The following KCNQ3 variants were observed in gnomAD, a reference collection of about 807,000 sequenced individuals.
The protein encoded by KCNQ3 is potassium voltage-gated channel subfamily KQT member 3.
KCNQ3 carries 30 observed loss-of-function variants against 92.5 expected under a neutral mutation model. The observed-to-expected ratio is 0.32, with a 90% CI of 0.24 to 0.44. The LOEUF (loss-of-function observed/expected upper bound fraction) is 0.44. Ranked by LOEUF, KCNQ3 falls within the 20% of genes least tolerant of loss-of-function variation. The pLI is 1.00. For missense variants in KCNQ3, 913 were observed against 1,140.3 expected, an observed-to-expected ratio of 0.80 and a Z score of 2.87; for synonymous variants, 450 against 468.8, an observed-to-expected ratio of 0.96 and a Z score of 0.52.
Position 132,392,058 on chromosome 8 carries a change from T to C in KCNQ3, c.386+88089A>G, listed in dbSNP as rs896672431. Among the ~76,000 whole-genome samples the C allele has an allele frequency of 7.2e-5, 11 of 152,168 alleles. No individual in the cohort carries two copies. The East Asian group carries it at 2.1e-3, about 29-fold the overall frequency. On this transcript the variant is annotated intron_variant, in intron 1 of 14. Transcript: ENST00000388996. ...TGTCATAAACCATGGTGGACTTTAA[T>C]TGCCCAGCAGTACCAAGTCTGTGCC...
intron 5 of KCNQ3, 66 bp downstream of exon 5, chr8:132,175,387 C>A (rs1826514090): frequency 1.3e-6 from 2 of 1,545,278 alleles, no homozygotes; most frequent in Admixed American, 3.3e-5. Flanking sequence ...TCATGTGATG[C>A]CCTCCACCTC....
chr8:132,392,098 G>A (rs114426216), intron 1 of KCNQ3, among the ~76,000 whole-genome samples: 1,689 of 152,196 alleles, frequency 0.011, 24 homozygotes, highest in African/African-American at 0.035. Context: ...AATGCCTACA[G>A]CATCCGGCCT....
intron 14 of KCNQ3, among the ~76,000 whole-genome samples, chr8:132,131,378 C>T (rs1824871744): frequency 6.6e-6 from 1 of 152,178 alleles, no homozygotes; most frequent in Admixed American, 6.5e-5. Flanking sequence ...GAGTGAGCTG[C>T]ATGGTGCTGT....
At chr8:132,138,510 CCT>C (rs1303242435) in intron 11 of KCNQ3, among the ~76,000 whole-genome samples, 12 of 152,144 alleles carry the variant, frequency 7.9e-5, no homozygotes, top group African/African-American at 2.9e-4. Context: ...TCCTCAAGAG[CCT>C]CTTTAATTAT....
chr8:132,209,890 G>A (rs1211896615), intron 1 of KCNQ3, among the ~76,000 whole-genome samples: 7 of 152,146 alleles, frequency 4.6e-5, no homozygotes, highest in East Asian at 1.9e-4. Flanking sequence ...ATAATTCAGT[G>A]GGCCTCTGTG....
chr8:132,429,692 C>T (rs560697211), intron 1 of KCNQ3, among the ~76,000 whole-genome samples: 1 of 152,004 alleles, frequency 6.6e-6, no homozygotes, highest in African/African-American at 2.4e-5. Context: ...GAAACCCTGT[C>T]TCTACTAAAA....
chr8:132,406,125 A>G (rs1025917594), intron 1 of KCNQ3, among the ~76,000 whole-genome samples: 10 of 152,194 alleles, frequency 6.6e-5, no homozygotes, highest in Non-Finnish European at 1.3e-4. Context: ...ATTAAACCTG[A>G]TAGAAAGAAG....
intron 1 of KCNQ3, among the ~76,000 whole-genome samples, chr8:132,358,098 T>A (rs1819065758): frequency 6.6e-6 from 1 of 152,216 alleles, no homozygotes; most frequent in South Asian, 2.1e-4. Context: ...TTCTTTAAGG[T>A]CAGGGATAAA....
intron 9 of KCNQ3, among the ~76,000 whole-genome samples, chr8:132,143,262 G>T (rs923683563): frequency 6.6e-6 from 1 of 152,004 alleles, no homozygotes; most frequent in African/African-American, 2.4e-5. Flanking sequence ...TTTCCTGGCT[G>T]CTACTAGATA....
intron 1 of KCNQ3, among the ~76,000 whole-genome samples, chr8:132,465,226 T>G (rs1385280517): frequency 1.3e-5 from 2 of 152,184 alleles, no homozygotes; most frequent in African/African-American, 2.4e-5. Flanking sequence ...AATATCTAAT[T>G]TAATCTTGTT....
At chr8:132,406,648 C>G (rs1384097293) in intron 1 of KCNQ3, among the ~76,000 whole-genome samples, 1 of 152,008 alleles carries the variant, frequency 6.6e-6, no homozygotes, top group Non-Finnish European at 1.5e-5. Context: ...ACACACACAC[C>G]AGCAATACTA....
chr8:132,278,882 C>T (rs1816422529), intron 1 of KCNQ3, among the ~76,000 whole-genome samples: 2 of 152,144 alleles, frequency 1.3e-5, no homozygotes, highest in Admixed American at 6.6e-5. Flanking sequence ...TGGTCCTTAA[C>T]CTTGACTGCA....
intron 1 of KCNQ3, among the ~76,000 whole-genome samples, chr8:132,405,798 C>G (rs1284125252): frequency 1.3e-5 from 2 of 152,164 alleles, no homozygotes; most frequent in African/African-American, 4.8e-5. Flanking sequence ...TTTCACCAGG[C>G]AGCAGGAATG....
chr8:132,341,567 T>C (rs1818529737), intron 1 of KCNQ3, among the ~76,000 whole-genome samples: 1 of 152,156 alleles, frequency 6.6e-6, no homozygotes, highest in Non-Finnish European at 1.5e-5. Flanking sequence ...ACTGAACGAA[T>C]GAATGAATCA....
At chr8:132,324,048 A>G (rs1586926835) in intron 1 of KCNQ3, among the ~76,000 whole-genome samples, 1 of 152,230 alleles carries the variant, frequency 6.6e-6, no homozygotes, top group Non-Finnish European at 1.5e-5. Flanking sequence ...TGAAGCCATC[A>G]TACTGTTTCA....
intron 1 of KCNQ3, among the ~76,000 whole-genome samples, chr8:132,449,085 C>T (rs1362139899): frequency 2.0e-5 from 3 of 152,150 alleles, no homozygotes; most frequent in African/African-American, 4.8e-5. Flanking sequence ...TCTTCAGCTA[C>T]GATGTGGGGA....
chr8:132,420,961 T>C (rs1820951019), intron 1 of KCNQ3, among the ~76,000 whole-genome samples: 1 of 152,066 alleles, frequency 6.6e-6, no homozygotes, highest in South Asian at 2.1e-4. Flanking sequence ...TGACATGAAA[T>C]ACATTTAAAT....
At chr8:132,407,708 C>T (rs994032051) in intron 1 of KCNQ3, among the ~76,000 whole-genome samples, 8 of 152,178 alleles carry the variant, frequency 5.3e-5, no homozygotes, top group African/African-American at 1.9e-4. Flanking sequence ...GCTGGAGGTG[C>T]TCAAATGTAC....
intron 9 of KCNQ3, among the ~76,000 whole-genome samples, chr8:132,154,193 GT>G (rs869112851): frequency 0.018 from 493 of 27,484 alleles, 7 homozygotes; most frequent in South Asian, 0.081. Flanking sequence ...AAGGGTAAAA[GT>G]TTTTTTTTTT....
Sources: allele counts gnomAD v4.1 joint callset (sites outside exome capture counted in the v4.1 genomes callset), GRCh38; gene constraint gnomAD v4.1.1; transcripts MANE v1.5; gene names NCBI Gene and HGNC (gene_info 2026-07-23, HGNC 2026-07-21).